Variants in DMD observed in about 807,000 individuals in gnomAD.
DMD encodes mutant dystrophin.
A neutral mutation model predicts 330.1 loss-of-function variants in DMD; 63 were observed. The ratio of observed to expected loss-of-function variants is 0.19; its 90% CI spans 0.16 to 0.24. DMD has a LOEUF of 0.24. DMD is among the 10% of genes least tolerant of loss of function. The pLI, the probability that DMD is intolerant of heterozygous loss-of-function variation, is 1.00. For missense variants in DMD, 3,344 were observed against 2,684.1 expected (o/e 1.25, Z -5.43); for synonymous variants, 1,223 against 959.8 (o/e 1.27, Z -5.07).
At chrX:31,135,244 T>A (rs1188756913) in intron 76 of DMD, among the ~76,000 whole-genome samples, 1 of 112,014 alleles carries the variant, frequency 8.9e-6, no homozygotes, top group Non-Finnish European at 1.9e-5. Flanking sequence ...AGTCACTTCA[T>A]GAAGGTAAGA....
chrX:33,287,201 T>G (rs774914098), intron 1 of DMD, among the ~76,000 whole-genome samples: 1 of 111,729 alleles, frequency 9.0e-6, no homozygotes, highest in Non-Finnish European at 1.9e-5. Flanking sequence ...ATTATATATT[T>G]GGGTTACATA....
At chrX:32,196,879 G>A (rs946311999) in intron 44 of DMD, among the ~76,000 whole-genome samples, 14 of 107,452 alleles carry the variant, frequency 1.3e-4, no homozygotes, top group Non-Finnish European at 2.3e-4. Context: ...CCAGCTACTC[G>A]GGAGGCTGAG....
chrX:32,954,295 G>T lies in DMD; in HGVS notation c.93+65844C>A, dbSNP rs971958189. 3.6e-5 allele frequency among the ~76,000 whole-genome samples: 4 copies of T among 111,769 alleles called. No homozygotes were observed. The Admixed American group carries it at 3.8e-4, about 11-fold the overall frequency. Reference sequence around the variant, plus strand: ...TTGGATTCAAGGACCTCAGAGTCGAGTGGAAACTCTTTCTTTAAATAGAAT... The same window carrying T: ...TTGGATTCAAGGACCTCAGAGTCGATTGGAAACTCTTTCTTTAAATAGAAT... On this transcript the variant is annotated intron_variant, in intron 2 of 78. Transcript: ENST00000357033.
At chrX:33,302,271 A>C (rs2053677095) in intron 1 of DMD, among the ~76,000 whole-genome samples, 1 of 111,102 alleles carries the variant, frequency 9.0e-6, no homozygotes. Context: ...GAGTCTCAGA[A>C]GACAAATTGC....
At chrX:32,326,854 C>A (rs909830133) in intron 41 of DMD, among the ~76,000 whole-genome samples, 1 of 108,753 alleles carries the variant, frequency 9.2e-6, no homozygotes, top group African/African-American at 3.4e-5. Flanking sequence ...GTGCAGTGAG[C>A]CGAGATCATG....
Position 32,475,366 on chromosome X carries a change from G to C in DMD, c.2804-3057C>G, listed in dbSNP as rs2041124855. 2.7e-5 allele frequency among the ~76,000 whole-genome samples: 3 copies of C among 110,859 alleles called. No homozygotes were observed. In the Admixed American group the frequency reaches 2.9e-4, roughly 11 times the overall value. On this transcript the variant is annotated intron_variant, in intron 21 of 78. Coordinates refer to ENST00000357033, the MANE Select transcript of DMD (RefSeq NM_004006.3). ...CCTTTTTGGTTCCATATTAATTTTA[G>C]AATTTTTTTTCTAATTCTGTGAAGA...
chrX:33,314,817 T>C (rs775308896), intron 1 of DMD, among the ~76,000 whole-genome samples: 2 of 109,650 alleles, frequency 1.8e-5, no homozygotes, highest in Non-Finnish European at 3.8e-5. Flanking sequence ...CTTGAAGGAT[T>C]TTTTTCTTCC....
intron 44 of DMD, among the ~76,000 whole-genome samples, chrX:32,131,528 T>C (rs927749493): frequency 8.9e-6 from 1 of 111,970 alleles, no homozygotes; most frequent in African/African-American, 3.2e-5. Flanking sequence ...TTTGGACACA[T>C]TGTGATGGAG....
At chrX:32,686,676 T>C (rs1164790531) in intron 9 of DMD, among the ~76,000 whole-genome samples, 1 of 110,244 alleles carries the variant, frequency 9.1e-6, no homozygotes, top group African/African-American at 3.3e-5. Context: ...ACTTTGAATA[T>C]AGTTTCATTA....
rs35842618 is a variant in DMD, at chrX:31,256,741, C to CGTGTGTGT, written c.9286+4206_9286+4213dup. Among the ~76,000 whole-genome samples the CGTGTGTGT allele has an allele frequency of 5.0e-3, 486 of 97,955 alleles. 2 individuals are homozygous for CGTGTGTGT. Among genetic ancestry groups the CGTGTGTGT allele is most frequent in the African/African-American group, 0.017 (457 of 26,909 alleles). The allele number at this position is 97,955 out of a possible 115,157, so 85.1% of individuals were successfully genotyped here. On this transcript the variant is annotated intron_variant, in intron 63 of 78. Coordinates refer to ENST00000357033, the MANE Select transcript of DMD (RefSeq NM_004006.3). ...ATAAATTATCTACATATATGTGGGG[C>CGTGTGTGT]GTGTGTGTGTGTGTGTGTGTGTGTG...
chrX:31,508,894 C>T (rs1031282661), intron 55 of DMD, among the ~76,000 whole-genome samples: 5 of 111,443 alleles, frequency 4.5e-5, no homozygotes, highest in Middle Eastern at 4.6e-3. Context: ...AAGTTTTCAG[C>T]CACAGCCTCT....
intron 2 of DMD, among the ~76,000 whole-genome samples, chrX:32,855,551 C>A (rs934950900): frequency 8.9e-6 from 1 of 111,818 alleles, no homozygotes; most frequent in Middle Eastern, 4.6e-3. Flanking sequence ...GTGCCAAGAA[C>A]ATACACTGAA....
At chrX:32,524,190 T>C (rs926761793) in intron 17 of DMD, among the ~76,000 whole-genome samples, 2 of 111,519 alleles carry the variant, frequency 1.8e-5, no homozygotes, top group African/African-American at 3.3e-5. Context: ...CGCCTCGGCC[T>C]CCCAAAGTGC....
At position 31,138,668 on chromosome X, in the gene DMD, A is replaced by T. The variant is rs1289477208; in HGVS notation, c.10922-4474T>A. Reference sequence around the variant, plus strand: ...GAGAGAGAGAGAGAGAGAGAGAGAGAGAGAGAGAGAGAGAGAGAGAAGGGG... The same window carrying T: ...GAGAGAGAGAGAGAGAGAGAGAGAGTGAGAGAGAGAGAGAGAGAGAAGGGG... On this transcript the variant is annotated intron_variant, in intron 76 of 78. Transcript: ENST00000357033. 1.7e-3 allele frequency among the ~76,000 whole-genome samples: 97 copies of T among 58,095 alleles called. 7 individuals are homozygous for T. The highest frequency in any genetic ancestry group is 2.1e-3 in the Admixed American group (11 of 5,233). The allele number at this position is 58,095 out of a possible 115,157, so 50.4% of individuals were successfully genotyped here. A position where few individuals can be genotyped will look rare whatever the true frequency, so the allele number is the denominator to read the frequency against.
At chrX:31,451,664 C>T (rs968533115) in intron 59 of DMD, among the ~76,000 whole-genome samples, 10 of 110,692 alleles carry the variant, frequency 9.0e-5, no homozygotes, top group Non-Finnish European at 1.7e-4. Flanking sequence ...GGATTGTCAC[C>T]CTTTCTCGAA....
At chrX:31,469,183 T>A (rs1479628039) in intron 59 of DMD, among the ~76,000 whole-genome samples, 1 of 111,564 alleles carries the variant, frequency 9.0e-6, no homozygotes, top group African/African-American at 3.3e-5. Context: ...AGGTTAATAT[T>A]GTTATGTGTG....
intron 41 of DMD, among the ~76,000 whole-genome samples, chrX:32,341,557 C>A (rs756122125): frequency 3.6e-5 from 4 of 111,893 alleles, no homozygotes; most frequent in African/African-American, 1.3e-4. Context: ...AACCATCTTA[C>A]TAGGCATCCA....
intron 7 of DMD, among the ~76,000 whole-genome samples, chrX:32,733,073 C>A (rs2067934010): frequency 9.3e-6 from 1 of 107,664 alleles, no homozygotes; most frequent in African/African-American, 3.5e-5. Context: ...GGAAGATCTA[C>A]CAAGCAAATG....
Position 31,121,472 on chromosome X carries a change from T to C in DMD, c.*447A>G, listed in dbSNP as rs1007693768. 1 of 168,464 alleles carries C rather than the reference T, an allele frequency of 5.9e-6. No homozygotes were observed. The highest frequency in any genetic ancestry group is 1.1e-5 in the Non-Finnish European group (1 of 90,562). The allele number at this position is 168,464 out of a possible 1,213,427, so 13.9% of individuals were successfully genotyped here. A position where few individuals can be genotyped will look rare whatever the true frequency, so the allele number is the denominator to read the frequency against. On this transcript the variant is annotated 3_prime_UTR_variant, in exon 79 of 79. Coordinates refer to ENST00000357033, the MANE Select transcript of DMD (RefSeq NM_004006.3). Reference sequence around the variant, plus strand: ...TGTGTGTGTGTGTTTGTTTTGTTTTTAGGGGTTTTTATAAACAACTTTTTT... The same window carrying C: ...TGTGTGTGTGTGTTTGTTTTGTTTTCAGGGGTTTTTATAAACAACTTTTTT...
Sources: gnomAD v4.1 joint callset for allele counts (sites outside exome capture counted in the v4.1 genomes callset) on GRCh38, gnomAD v4.1.1 for gene constraint, MANE v1.5 for transcripts, NCBI Gene and HGNC (gene_info 2026-07-23, HGNC 2026-07-21) for gene names.